Variants in ANTXR1 observed in about 807,000 individuals in gnomAD.
The protein encoded by ANTXR1 is anthrax toxin receptor 1.
Under a neutral mutation model 78.1 loss-of-function variants are expected in ANTXR1, and 19 were observed. The observed-to-expected ratio is 0.24, with a 90% confidence interval of 0.17 to 0.36. ANTXR1 has a LOEUF of 0.36. Ranked by LOEUF, ANTXR1 falls within the 10% of genes least tolerant of loss-of-function variation. ANTXR1 has a pLI of 1.00. For synonymous variants in ANTXR1, 273 were observed against 260.5 expected (o/e 1.05, Z -0.46); for missense variants, 518 against 718.6 (o/e 0.72, Z 3.19).
intron 16 of ANTXR1, among the ~76,000 whole-genome samples, chr2:69,191,065 G>A (rs77654160): frequency 0.074 from 11,280 of 152,192 alleles, 1,180 homozygotes; most frequent in African/African-American, 0.22. Flanking sequence ...AAATATAAAT[G>A]CTTATCCAAA....
intron 10 of ANTXR1, among the ~76,000 whole-genome samples, chr2:69,118,635 C>T (rs1035232393): frequency 2.6e-5 from 4 of 152,130 alleles, no homozygotes; most frequent in Non-Finnish European, 4.4e-5. Flanking sequence ...GCAGGGGCCT[C>T]GGCTGTCCTA....
intron 13 of ANTXR1, among the ~76,000 whole-genome samples, chr2:69,152,980 C>A (rs1189986338): frequency 6.6e-6 from 1 of 152,138 alleles, no homozygotes; most frequent in Non-Finnish European, 1.5e-5. Context: ...TGTTCCCTGG[C>A]CCTTAGACTG....
chr2:69,094,603 C>T (rs1366949596), intron 9 of ANTXR1, among the ~76,000 whole-genome samples: 3 of 152,192 alleles, frequency 2.0e-5, no homozygotes, highest in Non-Finnish European at 4.4e-5. Context: ...TGCTGTGGAG[C>T]CCTACCCAGG....
intron 4 of ANTXR1, among the ~76,000 whole-genome samples, chr2:69,071,454 C>T (rs951850082): frequency 5.3e-5 from 8 of 152,236 alleles, no homozygotes; most frequent in East Asian, 1.9e-4. Flanking sequence ...ACCACAGCTA[C>T]GATGTCACTA....
intron 17 of ANTXR1, among the ~76,000 whole-genome samples, chr2:69,208,904 T>C (rs982334413): frequency 2.4e-4 from 36 of 152,166 alleles, no homozygotes; most frequent in African/African-American, 7.0e-4. Flanking sequence ...GTTAGGTGTT[T>C]GGGGTGTTTT....
intron 13 of ANTXR1, among the ~76,000 whole-genome samples, chr2:69,155,996 C>T (rs1673514063): frequency 6.6e-6 from 1 of 152,142 alleles, no homozygotes; most frequent in African/African-American, 2.4e-5. Flanking sequence ...CCGATCTCCC[C>T]TCTGTCCCTA....
At chr2:69,093,677 A>T (rs900318512) in intron 9 of ANTXR1, among the ~76,000 whole-genome samples, 2 of 152,216 alleles carry the variant, frequency 1.3e-5, no homozygotes, top group African/African-American at 2.4e-5. Flanking sequence ...AATTAAAGCA[A>T]TTCAACAGAT....
At chr2:69,035,809 A>T (rs1669383340) in intron 1 of ANTXR1, among the ~76,000 whole-genome samples, 1 of 152,222 alleles carries the variant, frequency 6.6e-6, no homozygotes, top group Non-Finnish European at 1.5e-5. Flanking sequence ...CTTCTTCAGA[A>T]AATTCAGCTT....
At position 69,124,573 on chromosome 2, in the gene ANTXR1, C is replaced by T. The variant is rs1672468263; in HGVS notation, c.881C>T (p.Ala294Val). ...CCTTGTTGTCATTGCAGGAAAGCTGCACTCCAGGTCAGCATGAACGATGGC... is the reference window on the plus strand; with the variant it reads ...CCTTGTTGTCATTGCAGGAAAGCTGTACTCCAGGTCAGCATGAACGATGGC... ...PILKEVGMKA[A>V]LQVSMNDGLS... The change falls in exon 12 of 18, where the codon GCA becomes GTA. Residue 294 changes from alanine (A) to valine (V), a missense_variant. Physicochemically the swap from Ala to Val is moderately conservative, Grantham distance 64. Coordinates refer to ENST00000303714, the MANE Select transcript of ANTXR1 (RefSeq NM_032208.3). 6.2e-7 allele frequency: 1 copy of T among 1,614,010 alleles called. No individual in the cohort carries two copies. The highest frequency in any genetic ancestry group is 1.3e-5 in the African/African-American group (1 of 74,924).
At chr2:69,085,002 G>A (rs1391328618) in intron 8 of ANTXR1, among the ~76,000 whole-genome samples, 1 of 151,776 alleles carries the variant, frequency 6.6e-6, no homozygotes, top group Admixed American at 6.6e-5. Flanking sequence ...ACAGGCGCCT[G>A]CCACCACACC....
intron 16 of ANTXR1, among the ~76,000 whole-genome samples, chr2:69,192,129 T>C (rs28643279): frequency 0.1 from 15,165 of 152,206 alleles, 2,011 homozygotes; most frequent in African/African-American, 0.3. Context: ...CAAATTAACA[T>C]AGAATATATC....
chr2:69,172,437 G>A (rs1355164598), intron 14 of ANTXR1: 57 of 1,595,504 alleles, frequency 3.6e-5, no homozygotes, highest in Non-Finnish European at 3.3e-5. Flanking sequence ...AACACAGCCC[G>A]TGCAACGTAT....
intron 3 of ANTXR1, among the ~76,000 whole-genome samples, chr2:69,069,073 A>G (rs1242709604): frequency 6.6e-6 from 1 of 152,136 alleles, no homozygotes; most frequent in Non-Finnish European, 1.5e-5. Flanking sequence ...TCCACCTATG[A>G]AGCATCAGCA....
chr2:69,244,604 C>T (rs921996241), intron 17 of ANTXR1, among the ~76,000 whole-genome samples: 3 of 152,176 alleles, frequency 2.0e-5, no homozygotes, highest in African/African-American at 7.2e-5. Flanking sequence ...TCAGGGCCTC[C>T]ATGACAACTC....
At chr2:69,060,439 G>C (rs750375766) in intron 3 of ANTXR1, among the ~76,000 whole-genome samples, 2 of 152,188 alleles carry the variant, frequency 1.3e-5, no homozygotes, top group Non-Finnish European at 2.9e-5. Context: ...TTGTAAAACA[G>C]TGCTGATGTG....
chr2:69,146,365 A>G, intron 12 of ANTXR1: 1 of 985,204 alleles, frequency 1.0e-6, no homozygotes, highest in Non-Finnish European at 1.2e-6. Flanking sequence ...GATTTTTTAA[A>G]CTTTATTTCC....
chr2:69,034,196 A>G (rs1671610417), intron 1 of ANTXR1, among the ~76,000 whole-genome samples: 1 of 152,224 alleles, frequency 6.6e-6, no homozygotes, highest in Admixed American at 6.5e-5. Context: ...AAAATAAGAA[A>G]GACACTCTGG....
At chr2:69,131,215 A>G (rs78599788) in intron 12 of ANTXR1, among the ~76,000 whole-genome samples, 6,463 of 152,252 alleles carry the variant, frequency 0.042, 463 homozygotes, top group African/African-American at 0.15. Context: ...GCCTAAAAAA[A>G]TAATTTTAGC....
At chr2:69,229,761 A>C (rs1483746605) in intron 17 of ANTXR1, among the ~76,000 whole-genome samples, 1 of 151,454 alleles carries the variant, frequency 6.6e-6, no homozygotes, top group Non-Finnish European at 1.5e-5. Context: ...AATCTTAGAA[A>C]AGTGCATTAA....
Sources: gnomAD v4.1 joint callset for allele counts (sites outside exome capture counted in the v4.1 genomes callset) on GRCh38, gnomAD v4.1.1 for gene constraint, MANE v1.5 for transcripts, NCBI Gene and HGNC (gene_info 2026-07-23, HGNC 2026-07-21) for gene names.